The following DENND4C variants were observed in gnomAD, a reference collection of about 807,000 sequenced individuals.
DENND4C encodes the protein DENN domain containing 4C.
A neutral mutation model predicts 203.0 loss-of-function variants in DENND4C; 108 were observed. The ratio of observed to expected loss-of-function variants is 0.53; its 90% CI spans 0.46 to 0.62. The LOEUF (loss-of-function observed/expected upper bound fraction) is 0.62, where lower values mean the gene tolerates loss of function less well. Among genes scored for constraint, DENND4C ranks in the 20% least tolerant of loss-of-function variants. The probability of loss-of-function intolerance (pLI) is 0.00; values close to 1 mark genes in which losing one functional copy is unlikely to be tolerated. For synonymous variants in DENND4C, 871 were observed against 792.4 expected (o/e 1.10, Z -1.67); for missense variants, 2,481 against 2,301.2 (o/e 1.08, Z -1.60).
rs377039622 is a variant in DENND4C at position 19,294,403 on chromosome 9, G to C, written c.802-1605G>C. Reference sequence around the variant, plus strand: ...TTTATCTTGTGTCATACAAGGAAAGGGTGTGGAGGAATTGAACCTGTCAAC... The same window carrying C: ...TTTATCTTGTGTCATACAAGGAAAGCGTGTGGAGGAATTGAACCTGTCAAC... On this transcript the variant is annotated intron_variant, in intron 5 of 32. Coordinates refer to ENST00000434457, the MANE Select transcript of DENND4C (RefSeq NM_001330640.2). 8.5e-5 allele frequency among the ~76,000 whole-genome samples: 13 copies of C among 152,236 alleles called. No individual in the cohort carries two copies. The South Asian group carries it at 2.7e-3, about 32-fold the overall frequency.
intron 1 of DENND4C, among the ~76,000 whole-genome samples, chr9:19,253,965 A>T (rs1270469959): frequency 6.6e-6 from 1 of 152,196 alleles, no homozygotes; most frequent in Non-Finnish European, 1.5e-5. Context: ...ACATAGTGAG[A>T]TACCATGTCT....
intron 10 of DENND4C, among the ~76,000 whole-genome samples, chr9:19,305,964 T>G (rs1457529550): frequency 6.6e-6 from 1 of 152,222 alleles, no homozygotes; most frequent in East Asian, 1.9e-4. Context: ...GGGATTTTAA[T>G]TTTATAAGGA....
In DENND4C at chr9:19,268,507, A is replaced by G. The variant is rs1037496223; in HGVS notation, c.-17-7651A>G. 1.4e-4 allele frequency among the ~76,000 whole-genome samples: 21 copies of G among 152,130 alleles called. 2 individuals are homozygous for G. Among genetic ancestry groups the G allele is most frequent in the Admixed American group, 4.6e-4 (7 of 15,270 alleles). ...ATATTCTCTATATGTTTGTCTATGTATTTGCTATTACCAGGGAGTTTTGTA... is the reference window on the plus strand; with the variant it reads ...ATATTCTCTATATGTTTGTCTATGTGTTTGCTATTACCAGGGAGTTTTGTA... On this transcript the variant is annotated intron_variant, in intron 1 of 32. Coordinates refer to ENST00000434457, the MANE Select transcript of DENND4C (RefSeq NM_001330640.2).
At chr9:19,249,694 T>C (rs969987165) in intron 1 of DENND4C, among the ~76,000 whole-genome samples, 22 of 152,290 alleles carry the variant, frequency 1.4e-4, no homozygotes, top group East Asian at 1.9e-4. Flanking sequence ...TATGTGTGTG[T>C]GTTTGTTTTT....
chr9:19,362,017 T>C, intron 30 of DENND4C, 54 bp downstream of exon 30: 1 of 1,120,878 alleles, frequency 8.9e-7, no homozygotes, highest in Admixed American at 1.8e-5. Context: ...CTCGCACCTG[T>C]AATGCCAGCA....
Position 19,290,893 on chromosome 9 carries a change from T to C in DENND4C, c.801+17T>C, listed in dbSNP as rs1316713207. 3 of 1,603,744 alleles carry C rather than the reference T, an allele frequency of 1.9e-6. No homozygotes were observed. The highest frequency in any genetic ancestry group is 1.7e-5 in the Admixed American group (1 of 58,746). On this transcript the variant is annotated intron_variant, in intron 5 of 32. Coordinates refer to ENST00000434457, the MANE Select transcript of DENND4C (RefSeq NM_001330640.2). ...GCCAAAAAGGTATGTTTTTGTCTCATTGATTAAACACATTTTGTCCATGTT... is the reference window on the plus strand; with the variant it reads ...GCCAAAAAGGTATGTTTTTGTCTCACTGATTAAACACATTTTGTCCATGTT...
At chr9:19,234,870 A>G (rs867879690) in intron 1 of DENND4C, among the ~76,000 whole-genome samples, 5 of 151,568 alleles carry the variant, frequency 3.3e-5, no homozygotes, top group Admixed American at 1.3e-4. Context: ...AAATAATGCT[A>G]TAATGAAATT....
Position 19,324,457 on chromosome 9 carries a change from G to A in DENND4C, c.1903G>A (p.Val635Ile). ...TCGTTTCATTGAAGAATGCAGTTTT[G>A]TAAGTGATAAAGATACTGGATTAGC... ...FIRFIEECSFVSDKDTGLAFF... is the reference protein window; with the variant it reads ...FIRFIEECSFISDKDTGLAFF... Residue 635 changes from valine (V) to isoleucine (I), a missense_variant, in exon 13 of 33, where the codon GTA becomes ATA. This residue lies in a region of DENND4C where 2,289 missense variants were observed against 2,113.3 expected (regional missense o/e 1.08). Transcript: ENST00000434457. 1 of 1,612,784 alleles carries A rather than the reference G, an allele frequency of 6.2e-7. No individual in the cohort carries two copies. Among genetic ancestry groups the A allele is most frequent in the East Asian group, 2.2e-5 (1 of 44,766 alleles).
intron 2 of DENND4C, among the ~76,000 whole-genome samples, chr9:19,280,132 A>G (rs200182917): frequency 5.3e-5 from 3 of 56,806 alleles, no homozygotes; most frequent in Non-Finnish European, 1.1e-4. Context: ...CTTCCTGCCT[A>G]CCTGCCTGCC....
At chr9:19,355,199 C>A (rs1329908363) in intron 26 of DENND4C, among the ~76,000 whole-genome samples, 1 of 152,172 alleles carries the variant, frequency 6.6e-6, no homozygotes, top group South Asian at 2.1e-4. Flanking sequence ...CGTCAGCCAC[C>A]ATGCCTGGCC....
At chr9:19,258,183 G>A (rs75662782) in intron 1 of DENND4C, among the ~76,000 whole-genome samples, 3,761 of 152,144 alleles carry the variant, frequency 0.025, 63 homozygotes, top group African/African-American at 0.031. Context: ...AAATAGCCTC[G>A]TATGTGTTAA....
At chr9:19,271,714 A>G (rs1461252745) in intron 1 of DENND4C, among the ~76,000 whole-genome samples, 1 of 151,900 alleles carries the variant, frequency 6.6e-6, no homozygotes, top group East Asian at 1.9e-4. Context: ...TAAAAATACA[A>G]AATTAGCTGG....
intron 12 of DENND4C, among the ~76,000 whole-genome samples, chr9:19,322,289 A>G (rs1194967023): frequency 6.6e-6 from 1 of 152,194 alleles, no homozygotes; most frequent in Non-Finnish European, 1.5e-5. Context: ...GCAGATCCAG[A>G]GAAGGCAAGT....
rs1047627660 is a variant in DENND4C, at chr9:19,373,766, CTAAA to C, written c.*1595_*1598del. ...GTGTTTACAGTAATTATGCAGATGA[CTAAA>C]TGAGTTGACACAGTAAAATTACTTC... On this transcript the variant is annotated 3_prime_UTR_variant, in exon 33 of 33. Coordinates refer to ENST00000434457, the MANE Select transcript of DENND4C (RefSeq NM_001330640.2). Among the ~76,000 whole-genome samples, 8 of 152,142 alleles carry C rather than the reference CTAAA, an allele frequency of 5.3e-5. No individual in the cohort carries two copies. Among genetic ancestry groups the C allele is most frequent in the African/African-American group, 1.4e-4 (6 of 41,544 alleles).
At chr9:19,241,505 T>C (rs1390420553) in intron 1 of DENND4C, among the ~76,000 whole-genome samples, 1 of 151,184 alleles carries the variant, frequency 6.6e-6, no homozygotes, top group Non-Finnish European at 1.5e-5. Context: ...GCCTTTTTTT[T>C]TCGTTTTTCT....
At chr9:19,277,634 T>A (rs2130932343) in intron 2 of DENND4C, among the ~76,000 whole-genome samples, 1 of 151,262 alleles carries the variant, frequency 6.6e-6, no homozygotes, top group East Asian at 1.9e-4. Context: ...TCCTTTGCAG[T>A]TTGGATGCTT....
chr9:19,270,710 T>C (rs1831467582), intron 1 of DENND4C, among the ~76,000 whole-genome samples: 1 of 152,140 alleles, frequency 6.6e-6, no homozygotes, highest in African/African-American at 2.4e-5. Flanking sequence ...TTACCATTTA[T>C]CTTAACAGTG....
chr9:19,361,361 C>A (rs1826458696), intron 29 of DENND4C, among the ~76,000 whole-genome samples: 1 of 152,186 alleles, frequency 6.6e-6, no homozygotes, highest in African/African-American at 2.4e-5. Context: ...AAAGCCCCAA[C>A]TCTACTTATA....
chr9:19,274,500 G>T (rs1367608551), intron 1 of DENND4C, among the ~76,000 whole-genome samples: 1 of 152,172 alleles, frequency 6.6e-6, no homozygotes, highest in East Asian at 1.9e-4. Flanking sequence ...TCTCCATGTT[G>T]ATCAGGCTGG....
Sources: allele counts gnomAD v4.1 joint callset (sites outside exome capture counted in the v4.1 genomes callset), GRCh38; gene constraint gnomAD v4.1.1; regional missense constraint gnomAD v4.1.1; transcripts MANE v1.5; gene names NCBI Gene and HGNC (gene_info 2026-07-23, HGNC 2026-07-21).